Variants in ANKRD30B observed in about 807,000 individuals in gnomAD.
ANKRD30B encodes ankyrin repeat domain-containing protein 30B.
ANKRD30B carries 144 observed loss-of-function variants against 202.2 expected under a neutral mutation model. The ratio of observed to expected loss-of-function variants is 0.71; its 90% CI spans 0.62 to 0.82. The LOEUF is 0.82. Among genes scored for constraint, ANKRD30B ranks in the 40% least tolerant of loss-of-function variants. The pLI, the probability that ANKRD30B is intolerant of heterozygous loss-of-function variation, is 0.00. For synonymous variants in ANKRD30B, 508 were observed against 561.3 expected, an observed-to-expected ratio of 0.91 and a Z score of 1.34; for missense variants, 1,487 against 1,669.1, an observed-to-expected ratio of 0.89 and a Z score of 1.90.
intron 28 of ANKRD30B, 149 bp downstream of exon 28, chr18:14,810,329 G>C: frequency 1.8e-6 from 1 of 544,140 alleles, no homozygotes; most frequent in South Asian, 2.6e-5. Flanking sequence ...ATTTATGTTT[G>C]AGAAAATGCC....
rs768484542 is a variant in ANKRD30B at position 14,822,487 on chromosome 18, T to C, written c.2646T>C (p.Ser882=). 5 of 1,405,772 alleles carry C rather than the reference T, an allele frequency of 3.6e-6. No individual in the cohort carries two copies. In the East Asian group the frequency reaches 1.2e-4, roughly 35 times the overall value. 87.1% of individuals were successfully genotyped at this position (1,405,772 alleles called of 1,614,324 possible). A position where few individuals can be genotyped will look rare whatever the true frequency, so the allele number is the denominator to read the frequency against. Residue 882 remains serine, a synonymous_variant, in exon 31 of 44, where the codon TCT becomes TCC. Transcript: ENST00000690538. ...FDTLSGKLEE[S]PDKDGLLKPT... Reference sequence around the variant, plus strand: ...TATATGTCCCTTTTCTTTTAGAGTCTCCTGATAAAGATGGTCTTCTGAAGG... The same window carrying C: ...TATATGTCCCTTTTCTTTTAGAGTCCCCTGATAAAGATGGTCTTCTGAAGG...
intron 39 of ANKRD30B, among the ~76,000 whole-genome samples, chr18:14,844,134 T>C (rs1383895331): frequency 6.6e-6 from 1 of 152,212 alleles, no homozygotes; most frequent in Non-Finnish European, 1.5e-5. Flanking sequence ...TTTGGTTTTG[T>C]TTATATTAGG....
At chr18:14,818,884 G>A (rs972944193) in intron 30 of ANKRD30B, among the ~76,000 whole-genome samples, 5 of 151,764 alleles carry the variant, frequency 3.3e-5, no homozygotes, top group African/African-American at 1.2e-4. Context: ...CCCAGTAATG[G>A]GATGGCTGGG....
the ANKRD30B span, among the ~76,000 whole-genome samples, chr18:14,860,693 A>C: frequency 1.8e-4 from 27 of 151,832 alleles, no homozygotes; most frequent in Non-Finnish European, 3.4e-4. Flanking sequence ...TAAAGAAAAA[A>C]AAATGCCATC....
chr18:14,834,243 A>T lies in ANKRD30B; in HGVS notation c.2847+2788A>T, dbSNP rs995421929. 1.8e-3 allele frequency among the ~76,000 whole-genome samples: 273 copies of T among 152,300 alleles called. 3 individuals carry two copies. The highest frequency in any genetic ancestry group is 6.3e-3 in the African/African-American group (264 of 41,592). On this transcript the variant is annotated intron_variant, in intron 34 of 43. Transcript: ENST00000690538. ...ATTTCAAAATATAACATGTAATTTTAAAATTTTAATTATTTCTACAGTACT... is the reference window on the plus strand; with the variant it reads ...ATTTCAAAATATAACATGTAATTTTTAAATTTTAATTATTTCTACAGTACT...
intron 32 of ANKRD30B, among the ~76,000 whole-genome samples, chr18:14,827,719 A>T (rs543032975): frequency 6.6e-6 from 1 of 152,192 alleles, no homozygotes; most frequent in Non-Finnish European, 1.5e-5. Context: ...TCTAGAAATT[A>T]TACTTTCTAA....
rs1316649181 is a variant in ANKRD30B, at chr18:14,791,446, G to A, written c.1780G>A (p.Ala594Thr). ...ACAGAAGGATGTGTATTTACCCAAA[G>A]CTACACATCAAAAAGAATTCGATAC... ...VSQKDVYLPK[A>T]THQKEFDTLS... is the part of the protein sequence containing the mutation. The change falls in exon 16 of 44, where the codon GCT (alanine) becomes ACT (threonine). Residue 594 changes from alanine (A) to threonine (T), a missense_variant. This residue lies in a region of ANKRD30B where 889 missense variants were observed against 841.4 expected (regional missense o/e 1.06). Transcript: ENST00000690538. The A allele has an allele frequency of 1.2e-6, 2 of 1,611,260 alleles. No homozygotes were observed. Among genetic ancestry groups the A allele is most frequent in the East Asian group, 2.2e-5 (1 of 44,686 alleles).
intron 10 of ANKRD30B, among the ~76,000 whole-genome samples, chr18:14,779,141 A>G (rs1404225397): frequency 2.0e-5 from 3 of 152,178 alleles, no homozygotes; most frequent in Non-Finnish European, 4.4e-5. Flanking sequence ...TCTGAATAGG[A>G]TATTTGAGTG....
chr18:14,908,892 C>T, the ANKRD30B span, among the ~76,000 whole-genome samples: 1 of 152,164 alleles, frequency 6.6e-6, no homozygotes, highest in Non-Finnish European at 1.5e-5. Flanking sequence ...CAATGACGTC[C>T]TTGATCCTGG....
intron 3 of ANKRD30B, 111 bp from the exon 4 acceptor site, chr18:14,754,788 T>A (rs922188823): frequency 7.5e-5 from 51 of 682,488 alleles, no homozygotes; most frequent in Non-Finnish European, 1.0e-4. Context: ...TTGATTTACT[T>A]ATTTACTTTC....
the ANKRD30B span, among the ~76,000 whole-genome samples, chr18:14,902,263 C>G: frequency 6.6e-6 from 1 of 152,082 alleles, no homozygotes; most frequent in East Asian, 1.9e-4. Flanking sequence ...AACCATATTA[C>G]AAGGTTTATA....
At position 14,748,543 on chromosome 18, in the gene ANKRD30B, A is replaced by T. The variant is rs573963056; in HGVS notation, c.124A>T (p.Ile42Phe). Residue 42 changes from isoleucine (I) to phenylalanine (F), a missense_variant, in exon 1 of 44, where the codon ATC (isoleucine) becomes TTC (phenylalanine). Physicochemically the swap from Ile to Phe is conservative, Grantham distance 21. Transcript: ENST00000690538. ...CATCTACTTCGGGGATCTAGGGAAG[A>T]TCCATACAGCTGCCTCCCGGGGCCA... ...GTIYFGDLGK[I>F]HTAASRGQVQ... The T allele has an allele frequency of 3.2e-6, 5 of 1,555,326 alleles. No homozygotes were observed. Among genetic ancestry groups the T allele is most frequent in the Admixed American group, 3.9e-5 (2 of 51,204 alleles).
the ANKRD30B span, among the ~76,000 whole-genome samples, chr18:14,919,580 A>C: frequency 6.6e-6 from 1 of 152,128 alleles, no homozygotes; most frequent in Non-Finnish European, 1.5e-5. Flanking sequence ...TCACACTCTA[A>C]ATGACAGGTA....
chr18:14,788,206 G>A (rs946864405), intron 15 of ANKRD30B, among the ~76,000 whole-genome samples: 1 of 152,116 alleles, frequency 6.6e-6, no homozygotes, highest in Non-Finnish European at 1.5e-5. Flanking sequence ...TGTTTGAAAT[G>A]TCATTTATTT....
Position 14,748,406 on chromosome 18 carries a change from AG to A in ANKRD30B, c.-9del, listed in dbSNP as rs978212938. 7 of 1,465,396 alleles carry A rather than the reference AG, an allele frequency of 4.8e-6. No individual in the cohort carries two copies. The African/African-American group carries it at 7.1e-5, about 15-fold the overall frequency. 90.8% of individuals were successfully genotyped at this position (1,465,396 alleles called of 1,614,324 possible). On this transcript the variant is annotated 5_prime_UTR_variant, in exon 1 of 44. Coordinates refer to ENST00000690538, the MANE Select transcript of ANKRD30B (RefSeq NM_001367607.2). Reference sequence around the variant, plus strand: ...GCGGGAGGCGCGGGCTCTCTCTAGCAGGGGGCTGCAGCCATGAAGAGGCTCT... The same window carrying A: ...GCGGGAGGCGCGGGCTCTCTCTAGCAGGGGCTGCAGCCATGAAGAGGCTCT...
intron 1 of ANKRD30B, among the ~76,000 whole-genome samples, chr18:14,751,136 A>C (rs1019698270): frequency 6.6e-6 from 1 of 152,030 alleles, no homozygotes; most frequent in Admixed American, 6.6e-5. Flanking sequence ...ATTGATTTAC[A>C]TATACATTTT....
In ANKRD30B at chr18:14,784,261, T is replaced by C. The variant is rs1598612765; in HGVS notation, c.1571-75T>C. On this transcript the variant is annotated intron_variant, in intron 12 of 43. Coordinates refer to ENST00000690538, the MANE Select transcript of ANKRD30B (RefSeq NM_001367607.2). ...AGTCAACCAAGAGGACTCAGTTAGA[T>C]ACTATCACTGCATTCACTCGGTTGG... The C allele has an allele frequency of 4.9e-6, 7 of 1,428,960 alleles. No individual in the cohort carries two copies. In the Admixed American group the frequency reaches 5.3e-5, roughly 11 times the overall value. 88.5% of individuals were successfully genotyped at this position (1,428,960 alleles called of 1,614,324 possible).
the ANKRD30B span, among the ~76,000 whole-genome samples, chr18:14,894,595 A>G: frequency 6.6e-6 from 1 of 152,150 alleles, no homozygotes; most frequent in African/African-American, 2.4e-5. Context: ...AGCCAATCAG[A>G]ACATTTAATC....
At chr18:14,762,615 A>G (rs541720819) in intron 6 of ANKRD30B, among the ~76,000 whole-genome samples, 1 of 152,324 alleles carries the variant, frequency 6.6e-6, no homozygotes, top group African/African-American at 2.4e-5. Flanking sequence ...GTGTGTTAAT[A>G]GTAATTTTGT....
Sources: allele counts gnomAD v4.1 joint callset (sites outside exome capture counted in the v4.1 genomes callset), GRCh38; gene constraint gnomAD v4.1.1; regional missense constraint gnomAD v4.1.1; transcripts MANE v1.5; gene names NCBI Gene and HGNC (gene_info 2026-07-23, HGNC 2026-07-21).